Variants in SPRR2G observed in about 807,000 individuals in gnomAD.
The protein encoded by SPRR2G is small proline-rich protein 2G.
SPRR2G carries 1 observed loss-of-function variant against 0.7 expected under a neutral mutation model. The ratio of observed to expected loss-of-function variants is 1.49; its 90% CI spans 0.53 to 7.06. SPRR2G has a LOEUF of 7.06. Ranked by LOEUF, SPRR2G falls within the 30% of genes most tolerant of loss-of-function variation. The pLI, the probability that SPRR2G is intolerant of heterozygous loss-of-function variation, is 0.14. For synonymous variants in SPRR2G, 38 were observed against 33.9 expected (o/e 1.12, Z -0.42); for missense variants, 96 against 88.5 (o/e 1.09, Z -0.34).
the SPRR2G span, among the ~76,000 whole-genome samples, chr1:153,200,515 G>A: frequency 6.6e-6 from 1 of 152,232 alleles, no homozygotes; most frequent in African/African-American, 2.4e-5. Flanking sequence ...GTGAGGCACT[G>A]TAATGGATGA....
chr1:153,150,273 A>G, intron 1 of SPRR2G, 142 bp from the exon 2 acceptor site: 1 of 1,276,608 alleles, frequency 7.8e-7, no homozygotes, highest in Non-Finnish European at 1.1e-6. Context: ...CCTTCTTCAC[A>G]CTTCACTTTT....
chr1:153,199,095 C>G, the SPRR2G span, among the ~76,000 whole-genome samples: 3 of 152,110 alleles, frequency 2.0e-5, no homozygotes, highest in African/African-American at 4.8e-5. Flanking sequence ...AACATTCTTC[C>G]CCCTTTATAT....
At chr1:153,179,478 C>T in the SPRR2G span, among the ~76,000 whole-genome samples, 1 of 152,062 alleles carries the variant, frequency 6.6e-6, no homozygotes, top group Non-Finnish European at 1.5e-5. Context: ...TTAAATATAA[C>T]AATGTCACGC....
the SPRR2G span, among the ~76,000 whole-genome samples, chr1:153,201,144 G>A: frequency 9.9e-5 from 15 of 152,274 alleles, no homozygotes; most frequent in South Asian, 1.9e-3. Flanking sequence ...TCTGTGTTTC[G>A]TCTCAGTAGT....
the SPRR2G span, among the ~76,000 whole-genome samples, chr1:153,187,450 G>A: frequency 6.6e-6 from 1 of 151,586 alleles, no homozygotes; most frequent in Non-Finnish European, 1.5e-5. Context: ...TCATTAAGTT[G>A]ATCTTCAATC....
chr1:153,172,691 A>G, the SPRR2G span, among the ~76,000 whole-genome samples: 1 of 152,344 alleles, frequency 6.6e-6, no homozygotes, highest in East Asian at 1.9e-4. Context: ...ACTGGGGCAA[A>G]CCCTTTTGTT....
the SPRR2G span, among the ~76,000 whole-genome samples, chr1:153,194,105 T>C: frequency 1.3e-5 from 2 of 152,112 alleles, no homozygotes; most frequent in Non-Finnish European, 2.9e-5. Flanking sequence ...AAAAAAGGCC[T>C]GGGAATTTTA....
chr1:153,194,213 A>G, the SPRR2G span, among the ~76,000 whole-genome samples: 3 of 152,230 alleles, frequency 2.0e-5, no homozygotes. Context: ...TAAAGTAACT[A>G]GGAATAGCAT....
the SPRR2G span, among the ~76,000 whole-genome samples, chr1:153,183,404 C>T: frequency 4.0e-5 from 6 of 151,706 alleles, no homozygotes; most frequent in African/African-American, 4.8e-5. Context: ...TTTTAATCAT[C>T]GCCATTCTAC....
chr1:153,198,121 G>A, the SPRR2G span, among the ~76,000 whole-genome samples: 5 of 152,164 alleles, frequency 3.3e-5, no homozygotes, highest in African/African-American at 1.2e-4. Context: ...AATTTCCTAT[G>A]AGTTCAAGGT....
the SPRR2G span, among the ~76,000 whole-genome samples, chr1:153,165,511 G>A: frequency 6.6e-6 from 1 of 152,082 alleles, no homozygotes; most frequent in African/African-American, 2.4e-5. Context: ...CTCCTCAGAG[G>A]CATCAAATAG....
At chr1:153,154,104 A>C (rs1656529942), upstream of SPRR2G, among the ~76,000 whole-genome samples, 1 of 150,902 alleles carries the variant, frequency 6.6e-6, no homozygotes, top group Non-Finnish European at 1.5e-5. Flanking sequence ...TATTCTGTTT[A>C]TGTAGTGTAT....
At chr1:153,196,167 G>C in the SPRR2G span, among the ~76,000 whole-genome samples, 1 of 152,176 alleles carries the variant, frequency 6.6e-6, no homozygotes, top group African/African-American at 2.4e-5. Flanking sequence ...CAGATCTCTA[G>C]AGCTTATTCA....
At chr1:153,159,446 A>T in the SPRR2G span, among the ~76,000 whole-genome samples, 1 of 152,230 alleles carries the variant, frequency 6.6e-6, no homozygotes, top group East Asian at 1.9e-4. Flanking sequence ...ACCGTTCAGC[A>T]AGTATCTAGG....
At chr1:153,180,132 C>T in the SPRR2G span, among the ~76,000 whole-genome samples, 1 of 152,114 alleles carries the variant, frequency 6.6e-6, no homozygotes, top group African/African-American at 2.4e-5. Context: ...TAAAAGCTCA[C>T]CAAGTACAGG....
the SPRR2G span, among the ~76,000 whole-genome samples, chr1:153,170,142 C>T: frequency 4.3e-3 from 658 of 152,180 alleles, 7 homozygotes; most frequent in Middle Eastern, 0.02. Context: ...AAATTTTCTT[C>T]GAGTATGTAT....
chr1:153,174,068 A>T, the SPRR2G span, among the ~76,000 whole-genome samples: 2 of 152,222 alleles, frequency 1.3e-5, no homozygotes, highest in African/African-American at 4.8e-5. Context: ...AGGGACATAC[A>T]TTTCTCTTAT....
chr1:153,194,562 T>G, the SPRR2G span, among the ~76,000 whole-genome samples: 2 of 152,218 alleles, frequency 1.3e-5, no homozygotes, highest in Admixed American at 1.3e-4. Context: ...AGGTACAGCC[T>G]TGAATTATGT....
At chr1:153,175,811 G>A in the SPRR2G span, among the ~76,000 whole-genome samples, 3 of 152,194 alleles carry the variant, frequency 2.0e-5, no homozygotes, top group Non-Finnish European at 4.4e-5. Flanking sequence ...TTGGCCAGAT[G>A]TGGTGGCTCA....
Sources: allele counts gnomAD v4.1 joint callset (sites outside exome capture counted in the v4.1 genomes callset), GRCh38; gene constraint gnomAD v4.1.1; transcripts MANE v1.5; gene names NCBI Gene and HGNC (gene_info 2026-07-23, HGNC 2026-07-21).